XKR6: variants seen among roughly 807,000 people sequenced by gnomAD.
XKR6 encodes the protein XK related 6, also known as XK-related protein 6.
A neutral mutation model predicts 56.7 loss-of-function variants in XKR6; 22 were observed. The ratio of observed to expected loss-of-function variants is 0.39; its 90% CI spans 0.28 to 0.55. The LOEUF (loss-of-function observed/expected upper bound fraction) is 0.55. Among genes scored for constraint, XKR6 ranks in the 20% least tolerant of loss-of-function variants. XKR6 has a pLI of 0.66. For missense variants in XKR6, 852 were observed against 889.0 expected, an observed-to-expected ratio of 0.96 and a Z score of 0.53; for synonymous variants, 524 against 387.8, an observed-to-expected ratio of 1.35 and a Z score of -4.13.
At chr8:11,093,466 C>A (rs74995920) in intron 1 of XKR6, among the ~76,000 whole-genome samples, 1 of 152,236 alleles carries the variant, frequency 6.6e-6, no homozygotes, top group Non-Finnish European at 1.5e-5. Context: ...TCTGGTGCTT[C>A]CCTGCTCCCC....
chr8:11,035,152 C>T (rs1799106150), intron 1 of XKR6: 1 of 530,844 alleles, frequency 1.9e-6, no homozygotes, highest in Admixed American at 2.0e-5. Context: ...CAAACTATGA[C>T]AAACAGCCAG....
intron 1 of XKR6, among the ~76,000 whole-genome samples, chr8:11,126,447 TCA>T (rs1196076147): frequency 6.6e-6 from 1 of 152,176 alleles, no homozygotes; most frequent in Admixed American, 6.5e-5. Flanking sequence ...GGCCTACTAC[TCA>T]GTTCTTGAAT....
intron 1 of XKR6, among the ~76,000 whole-genome samples, chr8:10,955,548 G>A (rs566641506): frequency 4.8e-4 from 73 of 152,214 alleles, no homozygotes; most frequent in South Asian, 1.5e-3. Context: ...TAAGTGGGTC[G>A]TATGTATTAA....
Position 11,141,331 on chromosome 8 carries a change from G to T in XKR6, c.764+59245C>A, listed in dbSNP as rs141069735. Among the ~76,000 whole-genome samples the T allele has an allele frequency of 3.6e-3, 547 of 152,222 alleles. 4 individuals carry two copies. The highest frequency in any genetic ancestry group is 0.012 in the African/African-American group (519 of 41,530). On this transcript the variant is annotated intron_variant, in intron 1 of 2. Transcript: ENST00000416569. ...ACTAATCCCCAACACCATAGCACTG[G>T]GAGGCAGGATCCTTGGGAACTAATT... is the stretch of plus-strand genomic sequence containing the variant.
chr8:11,184,148 A>G (rs1488307922), intron 1 of XKR6, among the ~76,000 whole-genome samples: 1 of 152,170 alleles, frequency 6.6e-6, no homozygotes, highest in Non-Finnish European at 1.5e-5. Flanking sequence ...TAAAGGTTTC[A>G]GAGTATAGTT....
At position 11,185,419 on chromosome 8, in the gene XKR6, C is replaced by T. The variant is rs531784452; in HGVS notation, c.764+15157G>A. Among the ~76,000 whole-genome samples, 12 of 152,274 alleles carry T rather than the reference C, an allele frequency of 7.9e-5. No homozygotes were observed. The South Asian group carries it at 1.2e-3, about 16-fold the overall frequency. Reference sequence around the variant, plus strand: ...CTATGGGAAAACTGGTTTCCATATACGTAGTTTCACTTCAAATTGCAGTTT... The same window carrying T: ...CTATGGGAAAACTGGTTTCCATATATGTAGTTTCACTTCAAATTGCAGTTT... On this transcript the variant is annotated intron_variant, in intron 1 of 2. Transcript: ENST00000416569.
chr8:11,174,739 C>T (rs1333866309), intron 1 of XKR6, among the ~76,000 whole-genome samples: 3 of 152,052 alleles, frequency 2.0e-5, no homozygotes, highest in Non-Finnish European at 4.4e-5. Context: ...TTCGCACTTT[C>T]CAAGTCTAGC....
chr8:11,196,959 A>G (rs1280164394), intron 1 of XKR6, among the ~76,000 whole-genome samples: 1 of 144,498 alleles, frequency 6.9e-6, no homozygotes, highest in Admixed American at 6.8e-5. Context: ...CAGCCCAGCA[A>G]CATTCACTGC....
chr8:11,198,307 T>C (rs777226843), intron 1 of XKR6, among the ~76,000 whole-genome samples: 19 of 152,178 alleles, frequency 1.2e-4, no homozygotes, highest in Non-Finnish European at 2.4e-4. Context: ...GAAAAAAAAT[T>C]TTTTTAATAA....
rs150325575 is a variant in XKR6 at position 11,144,052 on chromosome 8, C to T, written c.764+56524G>A. On this transcript the variant is annotated intron_variant, in intron 1 of 2. Coordinates refer to ENST00000416569, the MANE Select transcript of XKR6 (RefSeq NM_173683.4). ...AGTTGCCAGCCAGACTGGATTAAGA[C>T]CCCCCGTCAATGACCTCGTTTAACC... is the stretch of plus-strand genomic sequence containing the variant. Among the ~76,000 whole-genome samples, 260 of 151,782 alleles carry T rather than the reference C, an allele frequency of 1.7e-3. 1 individual carries two copies. Among genetic ancestry groups the T allele is most frequent in the Admixed American group, 3.1e-3 (47 of 15,244 alleles).
At chr8:11,145,077 G>C (rs367644778) in intron 1 of XKR6, among the ~76,000 whole-genome samples, 5 of 149,370 alleles carry the variant, frequency 3.3e-5, no homozygotes, top group African/African-American at 1.2e-4. Context: ...AACTACCTGA[G>C]TATCTCTAAT....
intron 1 of XKR6, among the ~76,000 whole-genome samples, chr8:11,180,354 T>C (rs1361332778): frequency 1.3e-5 from 2 of 152,080 alleles, no homozygotes; most frequent in Admixed American, 6.5e-5. Context: ...GCACAAGGAA[T>C]GTTTGGACTA....
intron 1 of XKR6, among the ~76,000 whole-genome samples, chr8:11,134,223 T>C (rs1800266240): frequency 1.3e-5 from 2 of 152,182 alleles, no homozygotes; most frequent in Admixed American, 6.6e-5. Flanking sequence ...CTCCCACCTC[T>C]TTCATAGCAC....
chr8:11,056,203 G>A (rs889245020), intron 1 of XKR6, among the ~76,000 whole-genome samples: 25 of 152,204 alleles, frequency 1.6e-4, no homozygotes, highest in South Asian at 4.1e-4. Flanking sequence ...CCCAGACTGG[G>A]AGGCAGAAGC....
intron 1 of XKR6, among the ~76,000 whole-genome samples, chr8:11,070,960 C>T (rs1800099487): frequency 6.6e-6 from 1 of 152,220 alleles, no homozygotes; most frequent in Non-Finnish European, 1.5e-5. Flanking sequence ...ACCAACCCAT[C>T]ACTGGGGCGC....
intron 1 of XKR6, among the ~76,000 whole-genome samples, chr8:11,188,894 T>G (rs1041782422): frequency 6.6e-6 from 1 of 152,084 alleles, no homozygotes; most frequent in African/African-American, 2.4e-5. Context: ...ACCATCCCCA[T>G]GTACATTTCT....
chr8:11,134,077 C>T (rs1165191989), intron 1 of XKR6, among the ~76,000 whole-genome samples: 1 of 152,142 alleles, frequency 6.6e-6, no homozygotes, highest in African/African-American at 2.4e-5. Flanking sequence ...TATAAATGGC[C>T]TTCATCACCA....
At chr8:10,940,829 C>CA (rs1801366864) in intron 1 of XKR6, among the ~76,000 whole-genome samples, 1 of 152,206 alleles carries the variant, frequency 6.6e-6, no homozygotes, top group Non-Finnish European at 1.5e-5. Context: ...TGCTTTGTTC[C>CA]ATATGTGGTA....
intron 1 of XKR6, among the ~76,000 whole-genome samples, chr8:11,119,749 A>G (rs1187614081): frequency 1.3e-5 from 2 of 152,222 alleles, no homozygotes; most frequent in East Asian, 3.9e-4. Context: ...AGAATTTTAG[A>G]CCAATATCCT....
Sources: gnomAD v4.1 joint callset for allele counts (sites outside exome capture counted in the v4.1 genomes callset) on GRCh38, gnomAD v4.1.1 for gene constraint, MANE v1.5 for transcripts, NCBI Gene and HGNC (gene_info 2026-07-23, HGNC 2026-07-21) for gene names.